Variants in DGKB observed in about 807,000 individuals in gnomAD.
DGKB encodes diacylglycerol kinase beta.
In DGKB, 67 loss-of-function variants were observed where a neutral mutation model predicts 114.3. The observed-to-expected ratio is 0.59, with a 90% CI of 0.48 to 0.72. The LOEUF is 0.72. Among genes scored for constraint, DGKB ranks in the 30% least tolerant of loss-of-function variants. The pLI is 0.00. For synonymous variants in DGKB, 398 were observed against 323.1 expected, an observed-to-expected ratio of 1.23 and a Z score of -2.49; for missense variants, 907 against 975.2, an observed-to-expected ratio of 0.93 and a Z score of 0.93.
At chr7:14,863,445 T>C (rs1406443717) in intron 1 of DGKB, among the ~76,000 whole-genome samples, 1 of 151,670 alleles carries the variant, frequency 6.6e-6, no homozygotes, top group African/African-American at 2.4e-5. Context: ...AATTTCCCAA[T>C]ACACTATTTG....
intron 23 of DGKB, among the ~76,000 whole-genome samples, chr7:14,181,881 G>C (rs374971756): frequency 6.6e-6 from 1 of 152,106 alleles, no homozygotes; most frequent in East Asian, 1.9e-4. Context: ...TTCATATTAG[G>C]TATTTTCACA....
chr7:14,224,516 G>GT (rs989349914), intron 23 of DGKB, among the ~76,000 whole-genome samples: 1 of 151,928 alleles, frequency 6.6e-6, no homozygotes, highest in Non-Finnish European at 1.5e-5. Context: ...TCTGTTGCCT[G>GT]TTTTTTCTCC....
At chr7:14,347,904 A>G (rs1812750257) in intron 21 of DGKB, among the ~76,000 whole-genome samples, 1 of 152,072 alleles carries the variant, frequency 6.6e-6, no homozygotes, top group South Asian at 2.1e-4. Flanking sequence ...AAAAATTTGT[A>G]AATTATACCT....
At chr7:14,174,688 A>G (rs962207856) in intron 25 of DGKB, among the ~76,000 whole-genome samples, 3 of 152,062 alleles carry the variant, frequency 2.0e-5, no homozygotes, top group African/African-American at 7.2e-5. Context: ...GAGTTTTACC[A>G]CTATTTCCAC....
Position 14,864,986 on chromosome 7 carries a change from G to T in DGKB, c.-187-23536C>A, listed in dbSNP as rs192726908. ...ATGAGAATGCCTTGCATGGGTACTAGAAGAGACATATTAAGAGTAGACGCA... is the reference window on the plus strand; with the variant it reads ...ATGAGAATGCCTTGCATGGGTACTATAAGAGACATATTAAGAGTAGACGCA... On this transcript the variant is annotated intron_variant, in intron 1 of 25. Coordinates refer to ENST00000402815, the MANE Select transcript of DGKB (RefSeq NM_001350709.2). 3.3e-5 allele frequency among the ~76,000 whole-genome samples: 5 copies of T among 152,256 alleles called. No homozygotes were observed. In the East Asian group the frequency reaches 9.7e-4, roughly 29 times the overall value.
rs865961447 is a variant in DGKB, at chr7:14,857,412, A to C, written c.-187-15962T>G. Among the ~76,000 whole-genome samples, 4 of 152,146 alleles carry C rather than the reference A, an allele frequency of 2.6e-5. No homozygotes were observed. In the South Asian group the frequency reaches 6.2e-4, roughly 24 times the overall value. Reference sequence around the variant, plus strand: ...TCAGATGAGAATACAACCCACAGACACTTCGATTTCAACCTTGTGAGACGT... The same window carrying C: ...TCAGATGAGAATACAACCCACAGACCCTTCGATTTCAACCTTGTGAGACGT... On this transcript the variant is annotated intron_variant, in intron 1 of 25. Coordinates refer to ENST00000402815, the MANE Select transcript of DGKB (RefSeq NM_001350709.2).
At chr7:14,709,386 A>G (rs1035581042) in intron 6 of DGKB, among the ~76,000 whole-genome samples, 3 of 124,706 alleles carry the variant, frequency 2.4e-5, no homozygotes, top group South Asian at 6.7e-4. Flanking sequence ...AACTAGTTCA[A>G]CCATTGTGGA....
At chr7:14,212,387 A>T (rs200644471) in intron 23 of DGKB, among the ~76,000 whole-genome samples, 8 of 20,274 alleles carry the variant, frequency 3.9e-4, no homozygotes, top group South Asian at 1.4e-3. Context: ...GTTTTGTGAT[A>T]TTTACTCTCA....
chr7:14,865,764 A>G (rs1851619725), intron 1 of DGKB, among the ~76,000 whole-genome samples: 1 of 152,182 alleles, frequency 6.6e-6, no homozygotes, highest in South Asian at 2.1e-4. Flanking sequence ...CATAGGAGAG[A>G]TAATTACTCC....
chr7:14,352,181 A>C (rs1047482939), intron 21 of DGKB, among the ~76,000 whole-genome samples: 1 of 152,206 alleles, frequency 6.6e-6, no homozygotes, highest in Non-Finnish European at 1.5e-5. Context: ...TTAGTTTATA[A>C]AAGAAAAGAT....
chr7:14,866,175 G>T (rs1851681262), intron 1 of DGKB, among the ~76,000 whole-genome samples: 1 of 152,042 alleles, frequency 6.6e-6, no homozygotes, highest in African/African-American at 2.4e-5. Flanking sequence ...TCATATCCCT[G>T]CCCATATACA....
chr7:14,155,911 C>A (rs1388042561), intron 25 of DGKB, among the ~76,000 whole-genome samples: 2 of 152,012 alleles, frequency 1.3e-5, no homozygotes, highest in Admixed American at 6.6e-5. Context: ...GAAGGGAGAA[C>A]AGGTCTTGAG....
intron 1 of DGKB, among the ~76,000 whole-genome samples, chr7:14,932,802 G>A (rs902854271): frequency 6.6e-6 from 1 of 152,174 alleles, no homozygotes; most frequent in Admixed American, 6.5e-5. Context: ...AAGCTAATCT[G>A]TTGACCACCA....
At chr7:14,901,262 G>A (rs1040646562) in intron 1 of DGKB, among the ~76,000 whole-genome samples, 1 of 152,168 alleles carries the variant, frequency 6.6e-6, no homozygotes, top group African/African-American at 2.4e-5. Flanking sequence ...TTTGGTAAAA[G>A]CATGAAGATT....
At chr7:14,237,589 T>G (rs1329140150) in intron 23 of DGKB, among the ~76,000 whole-genome samples, 2 of 151,976 alleles carry the variant, frequency 1.3e-5, no homozygotes, top group African/African-American at 4.8e-5. Context: ...ATTTTAAAAA[T>G]GCCATTTGAA....
At chr7:14,189,323 A>AGTT (rs1474688364) in intron 23 of DGKB, among the ~76,000 whole-genome samples, 5 of 152,176 alleles carry the variant, frequency 3.3e-5, no homozygotes, top group African/African-American at 1.2e-4. Flanking sequence ...AACCAAAGTT[A>AGTT]AGTTGCCATC....
chr7:14,149,762 A>AAAG (rs145630495), intron 25 of DGKB, among the ~76,000 whole-genome samples: 12,884 of 152,184 alleles, frequency 0.085, 646 homozygotes, highest in African/African-American at 0.14. Flanking sequence ...ATTAGAAATG[A>AAAG]AAGTTAAAAG....
chr7:14,818,146 C>T (rs538656614), intron 2 of DGKB, among the ~76,000 whole-genome samples: 21 of 152,222 alleles, frequency 1.4e-4, no homozygotes, highest in African/African-American at 5.1e-4. Context: ...GAGCCTTATA[C>T]CTGTATATGC....
intron 2 of DGKB, among the ~76,000 whole-genome samples, chr7:14,832,322 T>C (rs1030270174): frequency 1.3e-5 from 2 of 152,038 alleles, no homozygotes; most frequent in African/African-American, 4.8e-5. Flanking sequence ...AATTATTTCC[T>C]TTCTGTTTTA....
Sources: gnomAD v4.1 joint callset for allele counts (sites outside exome capture counted in the v4.1 genomes callset) on GRCh38, gnomAD v4.1.1 for gene constraint, MANE v1.5 for transcripts, NCBI Gene and HGNC (gene_info 2026-07-23, HGNC 2026-07-21) for gene names.